The following NUTF2 variants were observed in gnomAD, a reference collection of about 807,000 sequenced individuals.
NUTF2 encodes nuclear transport factor 2, also known as placental protein 15.
NUTF2 carries 3 observed loss-of-function variants against 18.5 expected under a neutral mutation model. That is an observed-to-expected ratio of 0.16 (90% CI 0.07 to 0.42). The LOEUF (loss-of-function observed/expected upper bound fraction) is 0.42. Among genes scored for constraint, NUTF2 ranks in the 10% least tolerant of loss-of-function variants. The pLI is 0.99. For missense variants in NUTF2, 44 were observed against 160.7 expected, an observed-to-expected ratio of 0.27 and a Z score of 3.93; for synonymous variants, 51 against 57.9, an observed-to-expected ratio of 0.88 and a Z score of 0.54.
At chr16:67,866,306 GTTTT>G (rs921901942) in intron 2 of NUTF2, among the ~76,000 whole-genome samples, 2 of 134,024 alleles carry the variant, frequency 1.5e-5, no homozygotes, top group Non-Finnish European at 1.6e-5. Flanking sequence ...TCATAGTAGA[GTTTT>G]TTTTTTTTTT....
rs550044079 is a variant in NUTF2, at chr16:67,871,019, G to C, written c.*106G>C. The C allele has an allele frequency of 4.7e-6, 4 of 843,728 alleles. 1 individual carries two copies. The South Asian group carries it at 6.2e-5, about 13-fold the overall frequency. The allele number at this position is 843,728 out of a possible 1,614,324, so 52.3% of individuals were successfully genotyped here. On this transcript the variant is annotated 3_prime_UTR_variant, in exon 5 of 5. Coordinates refer to ENST00000219169, the MANE Select transcript of NUTF2 (RefSeq NM_005796.3). ...ATATCATGCACAAATGAGCAGGGCC[G>C]CGGTGGGAGTGGGCGCAGTGCGCTG...
At chr16:67,868,695 A>C in intron 4 of NUTF2, 96 bp downstream of exon 4, 1 of 1,138,018 alleles carries the variant, frequency 8.8e-7, no homozygotes, top group Non-Finnish European at 1.3e-6. Flanking sequence ...TTATCTAGGG[A>C]CACCCAGACA....
chr16:67,868,139 A>C (rs1432940247), intron 2 of NUTF2, among the ~76,000 whole-genome samples: 1 of 152,262 alleles, frequency 6.6e-6, no homozygotes, highest in East Asian at 1.9e-4. Context: ...ATAGTCTTTC[A>C]AAGCCTGGGC....
chr16:67,856,634 G>T (rs1764688474), intron 1 of NUTF2, among the ~76,000 whole-genome samples: 2 of 151,936 alleles, frequency 1.3e-5, no homozygotes, highest in Admixed American at 1.3e-4. Flanking sequence ...TCAGCATGCG[G>T]AGTAGCTGGG....
intron 1 of NUTF2, among the ~76,000 whole-genome samples, chr16:67,852,310 A>C (rs1318426238): frequency 5.3e-5 from 8 of 152,058 alleles, no homozygotes. Context: ...CTCCAAAAAA[A>C]AGGCTAGGTT....
chr16:67,855,577 T>G (rs1303507004), intron 1 of NUTF2, among the ~76,000 whole-genome samples: 2 of 152,064 alleles, frequency 1.3e-5, no homozygotes, highest in African/African-American at 2.4e-5. Flanking sequence ...CTCAGTAAAC[T>G]GGGGGAATTT....
chr16:67,868,387 A>G lies in NUTF2; in HGVS notation c.147A>G (p.Lys49=), dbSNP rs1018063125. ...GGGAAGGACAACAGTTCCAGGGGAA[A>G]GCTGCCATTGTGGAGAAGTTGTCTG... ...LTWEGQQFQG[K]AAIVEKLSSL... is the part of the protein sequence containing the mutation. Residue 49 remains lysine, a synonymous_variant, in exon 3 of 5, where the codon AAA becomes AAG. Transcript: ENST00000219169. 3.1e-6 allele frequency: 5 copies of G among 1,614,194 alleles called. No individual in the cohort carries two copies. Among genetic ancestry groups the G allele is most frequent in the Non-Finnish European group, 4.2e-6 (5 of 1,180,018 alleles).
At position 67,871,385 on chromosome 16, in the gene NUTF2, T is replaced by A. The variant is rs974670577; in HGVS notation, c.*472T>A. On this transcript the variant is annotated 3_prime_UTR_variant, in exon 5 of 5. Coordinates refer to ENST00000219169, the MANE Select transcript of NUTF2 (RefSeq NM_005796.3). ...AAGCTACCCAGACCCGTTGTCTCTC[T>A]CATGTTTCACCCTCCCACTTCTGCC... The A allele has an allele frequency of 7.4e-4, 113 of 152,960 alleles. 1 individual carries two copies. The highest frequency in any genetic ancestry group is 2.7e-3 in the African/African-American group (112 of 41,450). The allele number at this position is 152,960 out of a possible 1,614,324, so 9.5% of individuals were successfully genotyped here.
rs909921109 is a variant in NUTF2, at chr16:67,849,600, C to G, written c.-30+2615C>G. 7.9e-5 allele frequency among the ~76,000 whole-genome samples: 12 copies of G among 151,918 alleles called. No homozygotes were observed. The South Asian group carries it at 8.3e-4, about 11-fold the overall frequency. On this transcript the variant is annotated intron_variant, in intron 1 of 4. Coordinates refer to ENST00000219169, the MANE Select transcript of NUTF2 (RefSeq NM_005796.3). Reference sequence around the variant, plus strand: ...GGTGGTCTACCTGCCTTGGCCTCCCCAAAGTGCTGGGATTACAGGCATGAG... The same window carrying G: ...GGTGGTCTACCTGCCTTGGCCTCCCGAAAGTGCTGGGATTACAGGCATGAG...
chr16:67,858,915 C>T (rs532392257), intron 1 of NUTF2, among the ~76,000 whole-genome samples: 2 of 151,880 alleles, frequency 1.3e-5, no homozygotes, highest in African/African-American at 4.8e-5. Context: ...CTGTGTTGCC[C>T]AGTCTGGACC....
intron 4 of NUTF2, chr16:67,870,596 T>C (rs2058004697): frequency 1.7e-6 from 1 of 583,686 alleles, no homozygotes; most frequent in African/African-American, 1.9e-5. Flanking sequence ...GCGTGGCTGA[T>C]TGTTGGCCTA....
intron 1 of NUTF2, among the ~76,000 whole-genome samples, chr16:67,850,198 C>T (rs530731925): frequency 6.6e-6 from 1 of 151,604 alleles, no homozygotes; most frequent in East Asian, 1.9e-4. Context: ...CTAGAAGTTC[C>T]CTGTAACTTC....
chr16:67,852,227 A>C (rs552711962), intron 1 of NUTF2, among the ~76,000 whole-genome samples: 2 of 152,214 alleles, frequency 1.3e-5, no homozygotes, highest in East Asian at 3.9e-4. Context: ...AAGAGGCTGC[A>C]GGAGGTCAAG....
At chr16:67,864,974 T>C in intron 1 of NUTF2, 128 bp from the exon 2 acceptor site, 1 of 590,256 alleles carries the variant, frequency 1.7e-6, no homozygotes. Context: ...CCAGGGCCTG[T>C]CCGTGTTCTC....
At chr16:67,866,162 C>CCT (rs77626862) in intron 2 of NUTF2, among the ~76,000 whole-genome samples, 2,143 of 152,244 alleles carry the variant, frequency 0.014, 33 homozygotes, top group Non-Finnish European at 0.021. Flanking sequence ...AGTCTCAGAG[C>CCT]CTGATTGGGC....
chr16:67,852,709 C>T (rs1183129648), intron 1 of NUTF2, among the ~76,000 whole-genome samples: 1 of 150,310 alleles, frequency 6.7e-6, no homozygotes, highest in African/African-American at 2.4e-5. Context: ...GACAGAGTTT[C>T]GCTCTTATTG....
At chr16:67,863,099 G>T (rs978762037) in intron 1 of NUTF2, among the ~76,000 whole-genome samples, 1 of 152,156 alleles carries the variant, frequency 6.6e-6, no homozygotes, top group Admixed American at 6.6e-5. Flanking sequence ...TCTGCCTTAG[G>T]TCCTCTAAGT....
chr16:67,851,720 A>G (rs1327985566), intron 1 of NUTF2, among the ~76,000 whole-genome samples: 2 of 151,820 alleles, frequency 1.3e-5, no homozygotes, highest in Non-Finnish European at 2.9e-5. Flanking sequence ...CAGAATTTTC[A>G]AATTTCAGAA....
intron 1 of NUTF2, chr16:67,847,327 C>G (rs1013956188): frequency 6.6e-6 from 1 of 152,442 alleles, no homozygotes; most frequent in Non-Finnish European, 1.5e-5. Context: ...CTAGCCTGGC[C>G]CGGCCTGCGC....
Sources: gnomAD v4.1 joint callset for allele counts (sites outside exome capture counted in the v4.1 genomes callset) on GRCh38, gnomAD v4.1.1 for gene constraint, MANE v1.5 for transcripts, NCBI Gene and HGNC (gene_info 2026-07-23, HGNC 2026-07-21) for gene names.